NPR1: variants seen among roughly 807,000 people sequenced by gnomAD.
The protein encoded by NPR1 is natriuretic peptide receptor 1.
NPR1 carries 57 observed loss-of-function variants against 116.9 expected under a neutral mutation model. The ratio of observed to expected loss-of-function variants is 0.49; its 90% CI spans 0.39 to 0.61. The LOEUF (loss-of-function observed/expected upper bound fraction) is 0.61, where lower values mean the gene tolerates loss of function less well. NPR1 is among the 20% of genes least tolerant of loss of function. NPR1 has a pLI of 0.00. For synonymous variants in NPR1, 555 were observed against 601.6 expected (o/e 0.92, Z 1.13); for missense variants, 1,096 against 1,409.8 (o/e 0.78, Z 3.56).
chr1:153,685,969 T>G (rs1669916638), intron 9 of NPR1, 89 bp downstream of exon 9: 1 of 1,431,022 alleles, frequency 7.0e-7, no homozygotes. Flanking sequence ...AGGGAAGGAG[T>G]AAGCTGGTGG....
rs368568932 is a variant in NPR1 at position 153,691,448 on chromosome 1, C to A, written c.3031+1066C>A. On this transcript the variant is annotated intron_variant, in intron 20 of 21. Transcript: ENST00000368680. Reference sequence around the variant, plus strand: ...AGTTAGCTGAGAAATTCATGTGGACCCCATCTAAACCTTATGGTGAAAGAA... The same window carrying A: ...AGTTAGCTGAGAAATTCATGTGGACACCATCTAAACCTTATGGTGAAAGAA... 3.3e-5 allele frequency among the ~76,000 whole-genome samples: 5 copies of A among 152,254 alleles called. No individual in the cohort carries two copies. The East Asian group carries it at 7.7e-4, about 24-fold the overall frequency.
Position 153,685,881 on chromosome 1 carries a change from G to A in NPR1, c.1680+1G>A, listed in dbSNP as rs1245011996. On this transcript the variant is annotated splice_donor_variant, in intron 9 of 21. Coordinates refer to ENST00000368680, the MANE Select transcript of NPR1 (RefSeq NM_000906.4). LOFTEE classifies it high-confidence loss of function. ...CTTTGCCAAGACAGCATATTATAAG[G>A]TGGGCCTGGGGAAAGATCACTGGGC... The A allele has an allele frequency of 6.2e-7, 1 of 1,613,576 alleles. No individual in the cohort carries two copies. The highest frequency in any genetic ancestry group is 8.5e-7 in the Non-Finnish European group (1 of 1,179,564).
rs1322229242 is a variant in NPR1 at position 153,679,661 on chromosome 1, C to A, written c.553C>A (p.Leu185Ile). ...RLGWERQALM[L>I]YAYRPGDEEH... is the part of the protein sequence containing the mutation. ...GGGCTGGGAGCGCCAAGCGCTCATG[C>A]TCTACGCCTACCGGCCGGGTGACGA... Residue 185 changes from leucine (L) to isoleucine (I), a missense_variant, in exon 1 of 22, where the codon CTC (leucine) becomes ATC (isoleucine). Leu to Ile is a conservative substitution (Grantham distance 5). Transcript: ENST00000368680. The surrounding 1 kb of genome is among the most constrained non-coding windows in gnomAD (Gnocchi z 4.2). 6.2e-7 allele frequency: 1 copy of A among 1,607,094 alleles called. No homozygotes were observed. Among genetic ancestry groups the A allele is most frequent in the Middle Eastern group, 1.7e-4 (1 of 6,044 alleles).
At chr1:153,692,508 A>ATT (rs35874998) in intron 20 of NPR1, among the ~76,000 whole-genome samples, 3,251 of 136,934 alleles carry the variant, frequency 0.024, 98 homozygotes, top group African/African-American at 0.07. Context: ...TGAGGCCCTG[A>ATT]TTTTTTTTTT....
chr1:153,684,688 C>T (rs1441231145), intron 7 of NPR1, among the ~76,000 whole-genome samples: 1 of 152,122 alleles, frequency 6.6e-6, no homozygotes, highest in Non-Finnish European at 1.5e-5. Context: ...CTGTGCCTGG[C>T]CTCATGTTCA....
In NPR1 at chr1:153,680,634, C is replaced by A. The variant is rs1352559758; in HGVS notation, c.855C>A (p.Gly285=). Residue 285 remains glycine, a synonymous_variant, in exon 2 of 22, where the codon GGC becomes GGA. Transcript: ENST00000368680. The stretch of plus-strand genomic sequence containing the variant: ...GGCAAAGCCTGCAAGGTGGACAGGG[C>A]CCTGCTCCCCGCAGGCCCTGGGAGA... ...IFGQSLQGGQ[G]PAPRRPWERG... 5 of 1,614,164 alleles carry A rather than the reference C, an allele frequency of 3.1e-6. No homozygotes were observed. In the South Asian group the frequency reaches 4.4e-5, roughly 14 times the overall value.
In NPR1 at chr1:153,678,969, A is replaced by G. The variant is rs548792390; in HGVS notation, c.-140A>G. 10,594 of 1,136,848 alleles carry G rather than the reference A, an allele frequency of 9.3e-3. 61 individuals carry two copies. Among genetic ancestry groups the G allele is most frequent in the Non-Finnish European group, 0.011 (9,736 of 866,538 alleles). The allele number at this position is 1,136,848 out of a possible 1,614,324, so 70.4% of individuals were successfully genotyped here. ...ACCGTCGCAGCTACAGGGGGCCTCG[A>G]GCCCCGGGGTGAGCGTCCCCGTCCC... On this transcript the variant is annotated 5_prime_UTR_variant, in exon 1 of 22. Coordinates refer to ENST00000368680, the MANE Select transcript of NPR1 (RefSeq NM_000906.4). The surrounding 1 kb of genome is among the most constrained non-coding windows in gnomAD (Gnocchi z 5.8).
intron 9 of NPR1, 88 bp downstream of exon 9, chr1:153,685,968 G>T: frequency 7.0e-7 from 1 of 1,435,194 alleles, no homozygotes; most frequent in Non-Finnish European, 9.8e-7. Context: ...GAGGGAAGGA[G>T]TAAGCTGGTG....
At chr1:153,692,052 C>T (rs149294804) in intron 20 of NPR1, among the ~76,000 whole-genome samples, 1 of 152,250 alleles carries the variant, frequency 6.6e-6, no homozygotes, top group East Asian at 1.9e-4. Flanking sequence ...ACCTCCTCAG[C>T]CACTTGGGCA....
chr1:153,681,924 C>T (rs1046097970), intron 4 of NPR1, 85 bp downstream of exon 4: 2 of 1,530,372 alleles, frequency 1.3e-6, no homozygotes, highest in Non-Finnish European at 1.8e-6. Flanking sequence ...AGCCTATTGT[C>T]CTGCAGCAGT....
chr1:153,681,372 C>G, intron 3 of NPR1, 79 bp downstream of exon 3: 1 of 844,074 alleles, frequency 1.2e-6, no homozygotes, highest in South Asian at 1.4e-5. Flanking sequence ...CCATCCTTCC[C>G]TATTCCCAGT....
At chr1:153,688,461 C>T (rs1356133902) in intron 15 of NPR1, among the ~76,000 whole-genome samples, 1 of 152,184 alleles carries the variant, frequency 6.6e-6, no homozygotes, top group East Asian at 1.9e-4. Context: ...CACCCCACAC[C>T]CTTCCTGCCC....
At position 153,693,772 on chromosome 1, in the gene NPR1, GAGAA is replaced by G. The variant is rs61758575; in HGVS notation, c.*362_*365del. ...TTGCTACCCTGTGACTTACTGGGAG[GAGAA>G]AGAGTCACCTGAAGGGGAACATGAA... On this transcript the variant is annotated 3_prime_UTR_variant, in exon 22 of 22. Coordinates refer to ENST00000368680, the MANE Select transcript of NPR1 (RefSeq NM_000906.4). The G allele has an allele frequency of 0.052, 20,935 of 405,166 alleles. 756 individuals carry two copies. The highest frequency in any genetic ancestry group is 0.066 in the Non-Finnish European group (15,120 of 230,590). The allele number at this position is 405,166 out of a possible 1,614,324, so 25.1% of individuals were successfully genotyped here.
intron 8 of NPR1, among the ~76,000 whole-genome samples, chr1:153,685,433 G>A (rs753798090): frequency 6.6e-6 from 1 of 152,174 alleles, no homozygotes; most frequent in Non-Finnish European, 1.5e-5. Context: ...GGAGACCGAG[G>A]CAGGAGGATT....
At chr1:153,688,022 A>C (rs1669979409) in intron 14 of NPR1, 31 bp from the exon 15 acceptor site, 16 of 1,499,928 alleles carry the variant, frequency 1.1e-5, no homozygotes, top group African/African-American at 2.9e-5. Context: ...GGCCAGCCCC[A>C]CCCCTCAGCT....
Position 153,693,469 on chromosome 1 carries a change from A to G in NPR1, c.*55A>G. ...CCCTACCCTGTGCCAGAAGCAACAGAGGTGCCAGGCCTCAGCCTCACCCAC... is the reference window on the plus strand; with the variant it reads ...CCCTACCCTGTGCCAGAAGCAACAGGGGTGCCAGGCCTCAGCCTCACCCAC... On this transcript the variant is annotated 3_prime_UTR_variant, in exon 22 of 22. Transcript: ENST00000368680. 1 of 1,494,106 alleles carries G rather than the reference A, an allele frequency of 6.7e-7. No homozygotes were observed. The highest frequency in any genetic ancestry group is 1.3e-5 in the South Asian group (1 of 79,998). 92.6% of individuals were successfully genotyped at this position (1,494,106 alleles called of 1,614,324 possible). A position where few individuals can be genotyped will look rare whatever the true frequency, so the allele number is the denominator to read the frequency against.
In NPR1 at chr1:153,693,405, C is replaced by A. The variant is rs758083969; in HGVS notation, c.3177C>A (p.Thr1059=). Residue 1059 remains threonine, a synonymous_variant, in exon 22 of 22, where the codon ACC becomes ACA. Coordinates refer to ENST00000368680, the MANE Select transcript of NPR1 (RefSeq NM_000906.4). ...TCCTTGGGGAGAGGGGGAGTAGCAC[C>A]CGAGGCTGACCTGCCTCCTCTCCTA... ...YWLLGERGSS[T]RG is the part of the protein sequence containing the mutation. The A allele has an allele frequency of 6.2e-7, 1 of 1,609,886 alleles. No individual in the cohort carries two copies. The highest frequency in any genetic ancestry group is 1.7e-5 in the Admixed American group (1 of 59,522).
In NPR1 at chr1:153,693,509, C is replaced by A; in HGVS notation, c.*95C>A. ...GCCTCACCCACAGCAGCCCCATCGC[C>A]AAAGGATGGAAGTAATTTGAATAGC... On this transcript the variant is annotated 3_prime_UTR_variant, in exon 22 of 22. Transcript: ENST00000368680. 1 of 1,129,250 alleles carries A rather than the reference C, an allele frequency of 8.9e-7. No homozygotes were observed. The highest frequency in any genetic ancestry group is 1.3e-6 in the Non-Finnish European group (1 of 782,422). 70.0% of individuals were successfully genotyped at this position (1,129,250 alleles called of 1,614,324 possible).
Position 153,693,647 on chromosome 1 carries a change from ACT to A in NPR1, c.*235_*236del. 1 of 460,876 alleles carries A rather than the reference ACT, an allele frequency of 2.2e-6. No individual in the cohort carries two copies. Among genetic ancestry groups the A allele is most frequent in the South Asian group, 5.0e-5 (1 of 20,078 alleles). The allele number at this position is 460,876 out of a possible 1,614,324, so 28.5% of individuals were successfully genotyped here. On this transcript the variant is annotated 3_prime_UTR_variant, in exon 22 of 22. Transcript: ENST00000368680. ...CAAGCCCACGGCCATGCACAGGGAC[ACT>A]CACACAGGCACACGCACCTGCTCTC...
Sources: gnomAD v4.1 joint callset for allele counts (sites outside exome capture counted in the v4.1 genomes callset) on GRCh38, gnomAD v4.1.1 for gene constraint, Gnocchi (gnomAD v3.1) non-coding constraint, MANE v1.5 for transcripts, NCBI Gene and HGNC (gene_info 2026-07-23, HGNC 2026-07-21) for gene names.